The following TUB variants were observed in gnomAD, a reference collection of about 807,000 sequenced individuals.
TUB encodes tubby protein homolog.
In TUB, 33 loss-of-function variants were observed where a neutral mutation model predicts 59.7. That is an observed-to-expected ratio of 0.55 (90% confidence interval 0.42 to 0.74). The LOEUF is 0.74. Among genes scored for constraint, TUB ranks in the 30% least tolerant of loss-of-function variants. TUB has a pLI of 0.00. For missense variants in TUB, 659 were observed against 672.0 expected, an observed-to-expected ratio of 0.98 and a Z score of 0.21; for synonymous variants, 293 against 256.4, an observed-to-expected ratio of 1.14 and a Z score of -1.36.
At chr11:8,075,249 GT>G (rs1339143688) in intron 2 of TUB, among the ~76,000 whole-genome samples, 1 of 152,128 alleles carries the variant, frequency 6.6e-6, no homozygotes, top group Non-Finnish European at 1.5e-5. Flanking sequence ...CCTTTGACTA[GT>G]TTTCTAGAAT....
intron 1 of TUB, among the ~76,000 whole-genome samples, chr11:8,088,607 G>A (rs1005034025): frequency 8.5e-5 from 13 of 152,264 alleles, no homozygotes; most frequent in African/African-American, 3.1e-4. Flanking sequence ...GGCAGCTTCA[G>A]AATAACTGGG....
At chr11:8,031,193 G>A (rs1262120941) in intron 1 of TUB, among the ~76,000 whole-genome samples, 2 of 152,220 alleles carry the variant, frequency 1.3e-5, no homozygotes, top group Admixed American at 1.3e-4. Flanking sequence ...GGTATGTATG[G>A]TGGAATTGAC....
At chr11:8,097,136 C>T (rs1023717095) in intron 6 of TUB, 92 bp from the exon 7 acceptor site, 14 of 1,419,570 alleles carry the variant, frequency 9.9e-6, no homozygotes, top group African/African-American at 8.5e-5. Flanking sequence ...TCTCTCCCAC[C>T]GCCACGTTAG....
At chr11:8,031,914 C>T (rs563281423) in intron 1 of TUB, among the ~76,000 whole-genome samples, 1 of 152,336 alleles carries the variant, frequency 6.6e-6, no homozygotes, top group Non-Finnish European at 1.5e-5. Flanking sequence ...GCCACTTCGC[C>T]TTCCGCGGGG....
At chr11:8,045,924 C>G (rs762991774) in intron 2 of TUB, among the ~76,000 whole-genome samples, 1 of 152,062 alleles carries the variant, frequency 6.6e-6, no homozygotes, top group Non-Finnish European at 1.5e-5. Flanking sequence ...AGTATTTCCA[C>G]CCTTCTGTGA....
intron 7 of TUB, 123 bp from the exon 8 acceptor site, chr11:8,097,591 G>A: frequency 1.5e-6 from 2 of 1,303,964 alleles, no homozygotes; most frequent in South Asian, 1.3e-5. Flanking sequence ...CAGTGCATTT[G>A]TGTGTGTGCA....
chr11:8,096,896 C>A, intron 6 of TUB, 90 bp downstream of exon 6: 4 of 1,443,718 alleles, frequency 2.8e-6, no homozygotes, highest in Non-Finnish European at 3.9e-6. Flanking sequence ...GACTCGTATG[C>A]CTTTAGGAGC....
intron 1 of TUB, among the ~76,000 whole-genome samples, chr11:8,019,817 C>T (rs1942393984): frequency 6.6e-6 from 1 of 151,974 alleles, no homozygotes; most frequent in African/African-American, 2.4e-5. Flanking sequence ...CCGAGGCTGG[C>T]CCCGGGCGGA....
chr11:8,105,709 T>C lies in TUB; in HGVS notation c.*4090T>C, dbSNP rs1209951876. On this transcript the variant is annotated 3_prime_UTR_variant, in exon 12 of 12. Coordinates refer to ENST00000299506, the MANE Select transcript of TUB (RefSeq NM_177972.3). ...TTCATCACTACCTTTATAGCTCTCATCACTACCTTTATAGCTCATCACTGT... is the reference window on the plus strand; with the variant it reads ...TTCATCACTACCTTTATAGCTCTCACCACTACCTTTATAGCTCATCACTGT... 6.6e-6 allele frequency: 1 copy of C among 150,662 alleles called. No homozygotes were observed. The highest frequency in any genetic ancestry group is 1.5e-5 in the Non-Finnish European group (1 of 67,994). 9.3% of individuals were successfully genotyped at this position (150,662 alleles called of 1,614,324 possible).
chr11:8,100,741 A>G (rs1944251327), intron 10 of TUB, 85 bp from the exon 11 acceptor site: 5 of 1,575,442 alleles, frequency 3.2e-6, no homozygotes, highest in Non-Finnish European at 3.5e-6. Flanking sequence ...AAATCCAAGG[A>G]CCCCCATTCC....
chr11:8,045,251 A>T (rs1042751868), intron 2 of TUB, among the ~76,000 whole-genome samples: 1 of 152,152 alleles, frequency 6.6e-6, no homozygotes, highest in South Asian at 2.1e-4. Flanking sequence ...CTTATTGAGA[A>T]TAAAAAAGAT....
At chr11:8,019,843 C>T (rs1272568583) in intron 1 of TUB, among the ~76,000 whole-genome samples, 1 of 152,088 alleles carries the variant, frequency 6.6e-6, no homozygotes, top group African/African-American at 2.4e-5. Flanking sequence ...CCGCTGGCTG[C>T]CGGGGACCCG....
chr11:8,055,867 G>C (rs1477315942), intron 2 of TUB, among the ~76,000 whole-genome samples: 2 of 152,212 alleles, frequency 1.3e-5, no homozygotes, highest in Non-Finnish European at 2.9e-5. Flanking sequence ...CTTCCCACTA[G>C]CCCCTTCGCT....
intron 2 of TUB, among the ~76,000 whole-genome samples, chr11:8,062,516 CGT>C (rs34497745): frequency 0.49 from 72,797 of 149,788 alleles, 17,865 homozygotes; most frequent in African/African-American, 0.57. Context: ...GGTTTGTGTG[CGT>C]GTGTGTGTGT....
At chr11:8,019,790 C>T (rs1422608449) in intron 1 of TUB, among the ~76,000 whole-genome samples, 2 of 151,854 alleles carry the variant, frequency 1.3e-5, no homozygotes, top group Non-Finnish European at 2.9e-5. Context: ...CTGCGCCCCG[C>T]CGGCCCTCCG....
rs371695640 is a variant in TUB at position 8,045,063 on chromosome 11, GTGAGTGA to G, written c.203+5372_203+5378del. Among the ~76,000 whole-genome samples, 506 of 152,214 alleles carry G rather than the reference GTGAGTGA, an allele frequency of 3.3e-3. 2 individuals carry two copies. Among genetic ancestry groups the G allele is most frequent in the African/African-American group, 0.011 (472 of 41,538 alleles). Reference sequence around the variant, plus strand: ...CAACTGATTAAATCATTGACCATTGGTGAGTGAACTCAATCTCTAGCCCTTCTCCTTT... The same window carrying G: ...CAACTGATTAAATCATTGACCATTGGACTCAATCTCTAGCCCTTCTCCTTT... On this transcript the variant is annotated intron_variant, in intron 2 of 12. Transcript: ENST00000305253.
chr11:8,050,549 A>G (rs150002689), intron 2 of TUB, among the ~76,000 whole-genome samples: 34 of 152,100 alleles, frequency 2.2e-4, no homozygotes, highest in African/African-American at 7.2e-4. Context: ...TTTACTTTAC[A>G]TTTTCCTGGT....
At chr11:8,041,625 C>T (rs1384200247) in intron 2 of TUB, among the ~76,000 whole-genome samples, 1 of 152,130 alleles carries the variant, frequency 6.6e-6, no homozygotes, top group Non-Finnish European at 1.5e-5. Context: ...CATTCTGCCT[C>T]CCATATCTCC....
At chr11:8,040,904 C>T (rs1377799217) in intron 2 of TUB, among the ~76,000 whole-genome samples, 1 of 152,208 alleles carries the variant, frequency 6.6e-6, no homozygotes, top group Non-Finnish European at 1.5e-5. Flanking sequence ...ACATCCAACC[C>T]CTTGTGTAAC....
Sources: allele counts gnomAD v4.1 joint callset (sites outside exome capture counted in the v4.1 genomes callset), GRCh38; gene constraint gnomAD v4.1.1; transcripts MANE v1.5; gene names NCBI Gene and HGNC (gene_info 2026-07-23, HGNC 2026-07-21).